The following SVIL variants were observed in gnomAD, a reference collection of about 807,000 sequenced individuals.
SVIL encodes archvillin.
In SVIL, 101 loss-of-function variants were observed where a neutral mutation model predicts 240.4. The observed-to-expected ratio is 0.42, with a 90% CI of 0.36 to 0.50. The LOEUF is 0.50. Among genes scored for constraint, SVIL ranks in the 20% least tolerant of loss-of-function variants. SVIL has a pLI of 0.01. For missense variants in SVIL, 2,512 were observed against 2,818.7 expected, an observed-to-expected ratio of 0.89 and a Z score of 2.46; for synonymous variants, 999 against 1,100.0, an observed-to-expected ratio of 0.91 and a Z score of 1.82.
chr10:29,707,749 A>C (rs981960426), intron 1 of SVIL, among the ~76,000 whole-genome samples: 2 of 152,204 alleles, frequency 1.3e-5, no homozygotes, highest in African/African-American at 4.8e-5. Flanking sequence ...AGCTATCTTT[A>C]AAACAGTGAG....
Position 29,493,281 on chromosome 10 carries a change from T to G in SVIL, c.3952A>C (p.Asn1318His). 6.2e-7 allele frequency: 1 copy of G among 1,614,166 alleles called. No individual in the cohort carries two copies. Among genetic ancestry groups the G allele is most frequent in the Non-Finnish European group, 8.5e-7 (1 of 1,180,032 alleles). The change falls in exon 21 of 38, where the codon AAT (asparagine) becomes CAT (histidine). Residue 1318 changes from asparagine (N) to histidine (H), a missense_variant. By Grantham distance (68) the Asn-to-His change is moderately conservative. This residue lies in a region of SVIL where 272 missense variants were observed against 406.8 expected (regional missense o/e 0.67). Transcript: ENST00000355867. ...FAKFYRSVDYNMPRSPVEMDE... is the reference protein window; with the variant it reads ...FAKFYRSVDYHMPRSPVEMDE... Reference sequence around the variant, plus strand: ...ATCTCCACAGGACTTCTTGGCATATTATAATCCACGCTGCGGTAAAATTTG... The same window carrying G: ...ATCTCCACAGGACTTCTTGGCATATGATAATCCACGCTGCGGTAAAATTTG...
At chr10:29,536,440 G>A (rs1951747209) in intron 6 of SVIL, among the ~76,000 whole-genome samples, 1 of 151,962 alleles carries the variant, frequency 6.6e-6, no homozygotes, top group Non-Finnish European at 1.5e-5. Flanking sequence ...ATATTATAGG[G>A]AAAAAAAGAA....
intron 17 of SVIL, chr10:29,508,262 C>T: frequency 3.1e-6 from 3 of 965,668 alleles, no homozygotes; most frequent in South Asian, 2.7e-5. Context: ...CACGAAGGAA[C>T]CACCCAGGAT....
intron 6 of SVIL, among the ~76,000 whole-genome samples, chr10:29,545,494 G>C (rs1339564360): frequency 6.6e-6 from 1 of 152,096 alleles, no homozygotes; most frequent in Non-Finnish European, 1.5e-5. Flanking sequence ...AGTGGTGAGG[G>C]GCTGCAGTAC....
At chr10:29,696,183 G>A (rs990440245) in intron 1 of SVIL, among the ~76,000 whole-genome samples, 3 of 151,902 alleles carry the variant, frequency 2.0e-5, no homozygotes, top group African/African-American at 7.2e-5. Flanking sequence ...CCAGCTCCTA[G>A]CCGCGAGTGT....
chr10:29,493,861 A>G (rs1479174307), intron 20 of SVIL, among the ~76,000 whole-genome samples: 3 of 152,188 alleles, frequency 2.0e-5, no homozygotes, highest in South Asian at 2.1e-4. Context: ...GGGCATGGAT[A>G]TGTTTCAATA....
chr10:29,681,406 G>GGTGTGTGTGTGTGTGT (rs55839039), intron 2 of SVIL, among the ~76,000 whole-genome samples: 36 of 134,974 alleles, frequency 2.7e-4, no homozygotes, highest in African/African-American at 6.2e-4. Context: ...AAGATGGAAT[G>GGTGTGTGTGTGTGTGT]GTGTGTGTGT....
chr10:29,486,546 A>C lies in SVIL; in HGVS notation c.4497T>G (p.Leu1499=), dbSNP rs1316503940. The change falls in exon 25 of 38, where the codon CTT becomes CTG. Residue 1499 remains leucine (L), a synonymous_variant. Transcript: ENST00000355867. ...NVIEKAKASE[L]ATLIQTKREL... ...CCCTCTTTGTCTGAATTAAAGTTGC[A>C]AGTTCTGAGGCCTAAAAAAGAGAGG... 1 of 1,614,196 alleles carries C rather than the reference A, an allele frequency of 6.2e-7. No individual in the cohort carries two copies. The highest frequency in any genetic ancestry group is 1.7e-5 in the Admixed American group (1 of 60,022).
chr10:29,696,965 T>TG (rs1429220335), intron 1 of SVIL, among the ~76,000 whole-genome samples: 35 of 128,742 alleles, frequency 2.7e-4, no homozygotes, highest in Admixed American at 1.2e-3. Context: ...GGGAGGGAGG[T>TG]GGGGGGGTCA....
intron 1 of SVIL, among the ~76,000 whole-genome samples, chr10:29,580,454 C>A (rs1261160140): frequency 1.3e-5 from 2 of 152,114 alleles, no homozygotes; most frequent in African/African-American, 4.8e-5. Context: ...TGAGAGAACA[C>A]GTATAGAAGC....
At chr10:29,469,983 C>T (rs1200731346) in intron 32 of SVIL, among the ~76,000 whole-genome samples, 1 of 152,198 alleles carries the variant, frequency 6.6e-6, no homozygotes, top group Non-Finnish European at 1.5e-5. Flanking sequence ...AGCTGAACGG[C>T]AACTATGAAG....
At chr10:29,496,718 G>A (rs1289099650) in intron 18 of SVIL, among the ~76,000 whole-genome samples, 1 of 152,184 alleles carries the variant, frequency 6.6e-6, no homozygotes, top group South Asian at 2.1e-4. Context: ...ATGAATTCTA[G>A]GTACAACAAC....
At chr10:29,649,941 A>T (rs1429383173) in intron 3 of SVIL, among the ~76,000 whole-genome samples, 1 of 152,190 alleles carries the variant, frequency 6.6e-6, no homozygotes, top group Non-Finnish European at 1.5e-5. Context: ...GATTTGCTAT[A>T]AAAGTGCGTA....
chr10:29,487,811 G>A (rs1133672), intron 23 of SVIL: 72,389 of 152,266 alleles, frequency 0.48, 17,477 homozygotes, highest in East Asian at 0.57. Flanking sequence ...CTAAATATTT[G>A]TTGATTTTGA....
At chr10:29,721,538 CA>C (rs34892414) in intron 1 of SVIL, among the ~76,000 whole-genome samples, 91,089 of 144,948 alleles carry the variant, frequency 0.63, 28,162 homozygotes, top group Non-Finnish European at 0.68. Flanking sequence ...AACACCAATC[CA>C]AAAAAAAAAA....
chr10:29,688,120 A>G (rs1961229991), intron 1 of SVIL, among the ~76,000 whole-genome samples: 1 of 152,232 alleles, frequency 6.6e-6, no homozygotes, highest in East Asian at 1.9e-4. Context: ...ATGGTTGAAC[A>G]AACTATTTTC....
Position 29,532,852 on chromosome 10 carries a change from C to A in SVIL, c.1515G>T (p.Gln505His). The change falls in exon 8 of 38, where the codon CAG becomes CAT. Residue 505 changes from glutamine (Q) to histidine (H), a missense_variant. Around this residue, in one of 3 missense-constraint regions of SVIL, gnomAD observed 1,443 missense variants for 1,486.6 expected, o/e 0.97. Coordinates refer to ENST00000355867, the MANE Select transcript of SVIL (RefSeq NM_021738.3). ...NVAQPPQAPH[Q>H]PTERTGRSEM... is the part of the protein sequence containing the mutation. Reference sequence around the variant, plus strand: ...CGCTCCTGCCTGTCCTCTCAGTGGGCTGGTGCGGAGCTTGAGGGGGTTGTG... The same window carrying A: ...CGCTCCTGCCTGTCCTCTCAGTGGGATGGTGCGGAGCTTGAGGGGGTTGTG... 6.2e-7 allele frequency: 1 copy of A among 1,614,160 alleles called. No individual in the cohort carries two copies. The highest frequency in any genetic ancestry group is 8.5e-7 in the Non-Finnish European group (1 of 1,180,030).
In SVIL at chr10:29,470,423, A is replaced by G. The variant is rs376838166; in HGVS notation, c.5696T>C (p.Val1899Ala). Reference protein sequence around the residue: ...EVPVEGNLLEVACHCSSLRSR... With the variant: ...EVPVEGNLLEAACHCSSLRSR... Reference sequence around the variant, plus strand: ...CCTCAGGCTGCTACAGTGACAGGCCACTTCCAGCAAATTCCCTTCCACGGG... The same window carrying G: ...CCTCAGGCTGCTACAGTGACAGGCCGCTTCCAGCAAATTCCCTTCCACGGG... Residue 1899 changes from valine (V) to alanine (A), a missense_variant, in exon 32 of 38, where the codon GTG (valine) becomes GCG (alanine). Val to Ala is a moderately conservative substitution (Grantham distance 64). Transcript: ENST00000355867. 6.2e-7 allele frequency: 1 copy of G among 1,614,194 alleles called. No individual in the cohort carries two copies. Among genetic ancestry groups the G allele is most frequent in the Non-Finnish European group, 8.5e-7 (1 of 1,180,026 alleles).
At chr10:29,713,041 T>G (rs994184489) in intron 1 of SVIL, among the ~76,000 whole-genome samples, 6 of 151,984 alleles carry the variant, frequency 3.9e-5, no homozygotes, top group Non-Finnish European at 8.8e-5. Context: ...TAGCTGGGTG[T>G]GGTGGCGGGC....
Sources: gnomAD v4.1 joint callset for allele counts (sites outside exome capture counted in the v4.1 genomes callset) on GRCh38, gnomAD v4.1.1 for gene constraint, gnomAD v4.1.1 regional missense constraint, MANE v1.5 for transcripts, NCBI Gene and HGNC (gene_info 2026-07-23, HGNC 2026-07-21) for gene names.